The following ARL10 variants were observed in gnomAD, a reference collection of about 807,000 sequenced individuals.
ARL10 encodes ADP-ribosylation factor-like protein 10.
Under a neutral mutation model 26.1 loss-of-function variants are expected in ARL10, and 23 were observed. That is an observed-to-expected ratio of 0.88 (90% CI 0.63 to 1.25). The LOEUF is 1.25. Ranked by LOEUF, ARL10 falls within the 50% of genes most tolerant of loss-of-function variation. The pLI, the probability that ARL10 is intolerant of heterozygous loss-of-function variation, is 0.00. For synonymous variants in ARL10, 138 were observed against 149.1 expected (o/e 0.93, Z 0.54); for missense variants, 300 against 323.6 (o/e 0.93, Z 0.56).
At chr5:176,369,083 G>A in intron 3 of ARL10, 101 bp downstream of exon 3, 1 of 1,545,898 alleles carries the variant, frequency 6.5e-7, no homozygotes, top group Non-Finnish European at 8.7e-7. Context: ...TGGAGAGGGT[G>A]GCTGAGATGC....
At chr5:176,394,619 C>T (rs62402495) in intron 1 of ARL10, among the ~76,000 whole-genome samples, 4,094 of 151,748 alleles carry the variant, frequency 0.027, 61 homozygotes, top group Middle Eastern at 0.034. Flanking sequence ...TGGAGAGCAT[C>T]CTGGCTAACA....
rs1284142465 is a variant in ARL10, at chr5:176,377,041, T to C, written c.*5146T>C. ...TGTAGTATTTAGTGGCATCAGCATT[T>C]AGGAGAGTAGGAACTACGTGAAGTT... On this transcript the variant is annotated 3_prime_UTR_variant, in exon 4 of 4. Coordinates refer to ENST00000310389, the MANE Select transcript of ARL10 (RefSeq NM_173664.6). This position sits in a 1 kb window ranked among gnomAD's most constrained non-coding sequence, Gnocchi z 4.5. The C allele has an allele frequency of 6.6e-6, 1 of 152,202 alleles. No homozygotes were observed. The highest frequency in any genetic ancestry group is 1.5e-5 in the Non-Finnish European group (1 of 68,030). 9.4% of individuals were successfully genotyped at this position (152,202 alleles called of 1,614,324 possible).
At chr5:176,386,861 G>T (rs752090377), downstream of ARL10, 1 of 1,613,902 alleles carries the variant, frequency 6.2e-7, no homozygotes, top group African/African-American at 1.3e-5. Context: ...TAGGGCTTCC[G>T]TACAAGCTCT....
chr5:176,396,868 C>T (rs1756547806), intron 1 of ARL10, among the ~76,000 whole-genome samples: 1 of 152,120 alleles, frequency 6.6e-6, no homozygotes, highest in Non-Finnish European at 1.5e-5. Context: ...TGCCTTCTCT[C>T]CCACCGCTCC....
chr5:176,368,118 G>A lies in ARL10; in HGVS notation c.386-689G>A, dbSNP rs199996555. 111 of 479,438 alleles carry A rather than the reference G, an allele frequency of 2.3e-4. 1 individual carries two copies. The highest frequency in any genetic ancestry group is 7.3e-4 in the Middle Eastern group (1 of 1,372). 29.7% of individuals were successfully genotyped at this position (479,438 alleles called of 1,614,324 possible). On this transcript the variant is annotated intron_variant, in intron 2 of 3. Coordinates refer to ENST00000310389, the MANE Select transcript of ARL10 (RefSeq NM_173664.6). The surrounding 1 kb of genome is among the most constrained non-coding windows in gnomAD (Gnocchi z 4.1). ...AACATAGCCAGAAACACTAGGGTGC[G>A]GGGTGACCAATGGGACTGTGCAGAG...
intron 1 of ARL10, chr5:176,387,037 A>G: frequency 1.4e-6 from 1 of 723,780 alleles, no homozygotes; most frequent in Non-Finnish European, 2.4e-6. Flanking sequence ...AGTAGGTAAC[A>G]ATGAGAACTA....
rs748846148 is a variant in ARL10 at position 176,368,853 on chromosome 5, C to T, written c.432C>T (p.Ser144=). 9 of 1,614,004 alleles carry T rather than the reference C, an allele frequency of 5.6e-6. No individual in the cohort carries two copies. The highest frequency in any genetic ancestry group is 1.3e-5 in the African/African-American group (1 of 75,040). ...NLRFYWKEFV[S]EVDVLVFVVD... ...GCTTCTACTGGAAGGAGTTTGTGAG[C>T]GAGGTGGATGTGCTGGTGTTTGTGG... The change falls in exon 3 of 4, where the codon AGC becomes AGT. Residue 144 remains serine, a synonymous_variant. Coordinates refer to ENST00000310389, the MANE Select transcript of ARL10 (RefSeq NM_173664.6). This position sits in a 1 kb window ranked among gnomAD's most constrained non-coding sequence, Gnocchi z 4.1.
At position 176,365,511 on chromosome 5, in the gene ARL10, G is replaced by A; in HGVS notation, c.-53G>A. ...CAGTCGCAGCGGGGCCATCTTCGGCGGGCGAGTGGGCTCGGCCTGTGCAAC... is the reference window on the plus strand; with the variant it reads ...CAGTCGCAGCGGGGCCATCTTCGGCAGGCGAGTGGGCTCGGCCTGTGCAAC... On this transcript the variant is annotated 5_prime_UTR_variant, in exon 1 of 4. Coordinates refer to ENST00000310389, the MANE Select transcript of ARL10 (RefSeq NM_173664.6). 8 of 1,203,422 alleles carry A rather than the reference G, an allele frequency of 6.6e-6. No homozygotes were observed. Among genetic ancestry groups the A allele is most frequent in the Non-Finnish European group, 8.3e-6 (8 of 967,198 alleles). The allele number at this position is 1,203,422 out of a possible 1,614,324, so 74.5% of individuals were successfully genotyped here. A position where few individuals can be genotyped will look rare whatever the true frequency, so the allele number is the denominator to read the frequency against.
At chr5:176,413,627 C>T in the ARL10 span, among the ~76,000 whole-genome samples, 4 of 152,330 alleles carry the variant, frequency 2.6e-5, no homozygotes, top group African/African-American at 4.8e-5. Context: ...GACTGGCGGC[C>T]GCTGCTAAGC....
chr5:176,378,007 C>A lies in ARL10; in HGVS notation c.*6112C>A. The A allele has an allele frequency of 6.6e-6, 1 of 152,370 alleles. No individual in the cohort carries two copies. Among genetic ancestry groups the A allele is most frequent in the South Asian group, 2.1e-4 (1 of 4,832 alleles). 9.4% of individuals were successfully genotyped at this position (152,370 alleles called of 1,614,324 possible). ...GAACTCCTGGGCTCAAGCTGTCAGT[C>A]CAGCTCAGCTTCCCAAAGTGCTGGG... On this transcript the variant is annotated 3_prime_UTR_variant, in exon 4 of 4. Coordinates refer to ENST00000310389, the MANE Select transcript of ARL10 (RefSeq NM_173664.6).
chr5:176,388,055 T>C (rs1581412077), intron 1 of ARL10, among the ~76,000 whole-genome samples: 1 of 150,826 alleles, frequency 6.6e-6, no homozygotes, highest in Admixed American at 6.6e-5. Flanking sequence ...GGGGAGGGAG[T>C]GTGACGAAGG....
At chr5:176,397,576 T>A (rs192015466) in intron 1 of ARL10, 9 of 519,654 alleles carry the variant, frequency 1.7e-5, no homozygotes, top group Non-Finnish European at 2.3e-5. Context: ...CATGTCCCCA[T>A]GGCCCCCTCA....
rs1756359790 is a variant in ARL10, at chr5:176,393,692, G to T, written c.134-8049G>T. Among the ~76,000 whole-genome samples, 1 of 152,194 alleles carries T rather than the reference G, an allele frequency of 6.6e-6. No homozygotes were observed. Among genetic ancestry groups the T allele is most frequent in the Non-Finnish European group, 1.5e-5 (1 of 68,038 alleles). Reference sequence around the variant, plus strand: ...AATGCTCCACTGGAGTCTGCTTTTGGTTGGAATCAAGTTAGGATGAAAACT... The same window carrying T: ...AATGCTCCACTGGAGTCTGCTTTTGTTTGGAATCAAGTTAGGATGAAAACT... On this transcript the variant is annotated intron_variant, in intron 1 of 1. Transcript: ENST00000514533. This position sits in a 1 kb window ranked among gnomAD's most constrained non-coding sequence, Gnocchi z 4.4.
chr5:176,389,056 G>A, downstream of ARL10: 3 of 1,548,100 alleles, frequency 1.9e-6, no homozygotes, highest in South Asian at 2.3e-5. Context: ...GAGCGCTAGC[G>A]GGGAGCGGAA....
chr5:176,402,838 G>A (rs940891848), downstream of ARL10, among the ~76,000 whole-genome samples: 1 of 152,102 alleles, frequency 6.6e-6, no homozygotes, highest in African/African-American at 2.4e-5. Flanking sequence ...CACCATTCTC[G>A]CCTGGGGACA....
chr5:176,391,931 T>C (rs1311211482), downstream of ARL10, among the ~76,000 whole-genome samples: 3 of 152,230 alleles, frequency 2.0e-5, no homozygotes, highest in Non-Finnish European at 2.9e-5. Context: ...ATTACTCAAA[T>C]CTTTTTAAAC....
chr5:176,383,976 T>C, downstream of ARL10: 4 of 1,530,654 alleles, frequency 2.6e-6, no homozygotes, highest in Non-Finnish European at 3.5e-6. Flanking sequence ...ATGTACACAC[T>C]ATATTTACAT....
intron 1 of ARL10, among the ~76,000 whole-genome samples, chr5:176,396,306 T>C (rs772854607): frequency 4.6e-5 from 7 of 152,098 alleles, no homozygotes; most frequent in Non-Finnish European, 8.8e-5. Context: ...TCCACTTCAC[T>C]GGAGGGAGGG....
At chr5:176,365,860 G>T (rs1236576655) in intron 1 of ARL10, 114 bp downstream of exon 1, 2 of 1,140,012 alleles carry the variant, frequency 1.8e-6, no homozygotes, top group Admixed American at 4.2e-5. Flanking sequence ...AGCTTGGGGG[G>T]TCGAGGGCTT....
Sources: allele counts gnomAD v4.1 joint callset (sites outside exome capture counted in the v4.1 genomes callset), GRCh38; gene constraint gnomAD v4.1.1; non-coding constraint Gnocchi (gnomAD v3.1); transcripts MANE v1.5; gene names NCBI Gene and HGNC (gene_info 2026-07-23, HGNC 2026-07-21).